The following TENT4A variants were observed in gnomAD, a reference collection of about 807,000 sequenced individuals.
TENT4A encodes DNA polymerase kappa.
Under a neutral mutation model 72.8 loss-of-function variants are expected in TENT4A, and 7 were observed. The ratio of observed to expected loss-of-function variants is 0.10; its 90% confidence interval spans 0.05 to 0.18. The LOEUF (loss-of-function observed/expected upper bound fraction) is 0.18. Ranked by LOEUF, TENT4A falls within the 10% of genes least tolerant of loss-of-function variation. TENT4A has a pLI of 1.00. For missense variants in TENT4A, 831 were observed against 1,017.7 expected (o/e 0.82, Z 2.50); for synonymous variants, 456 against 434.3 (o/e 1.05, Z -0.62).
chr5:6,739,435 TG>T (rs1741687201), intron 3 of TENT4A, among the ~76,000 whole-genome samples: 1 of 152,184 alleles, frequency 6.6e-6, no homozygotes, highest in Non-Finnish European at 1.5e-5. Flanking sequence ...CAGCCTGGTT[TG>T]GGGGCAGGCA....
At chr5:6,745,225 C>T (rs912435488) in intron 6 of TENT4A, among the ~76,000 whole-genome samples, 4 of 152,330 alleles carry the variant, frequency 2.6e-5, no homozygotes, top group African/African-American at 9.6e-5. Context: ...TCGGAATCCT[C>T]CTCTTGTGTG....
chr5:6,731,919 C>T (rs992250425), intron 1 of TENT4A, among the ~76,000 whole-genome samples: 76 of 152,206 alleles, frequency 5.0e-4, no homozygotes, highest in African/African-American at 1.6e-3. Flanking sequence ...GTTTGGTGTG[C>T]TTCTTCCAGC....
At chr5:6,717,392 T>G (rs41388045) in intron 1 of TENT4A, among the ~76,000 whole-genome samples, 6,590 of 152,334 alleles carry the variant, frequency 0.043, 189 homozygotes, top group South Asian at 0.097. Context: ...CTGTGGAGCA[T>G]TGGCTGAACC....
rs1740242400 is a variant in TENT4A at position 6,714,240 on chromosome 5, C to T, written c.257C>T (p.Pro86Leu). The T allele has an allele frequency of 9.8e-7, 1 of 1,015,302 alleles. No individual in the cohort carries two copies. The highest frequency in any genetic ancestry group is 1.2e-6 in the Non-Finnish European group (1 of 851,788). 62.9% of individuals were successfully genotyped at this position (1,015,302 alleles called of 1,614,324 possible). ...PGPTAPAALP[P>L]ALLTALGPAA... ...CCCACCGCGCCCGCCGCGCTGCCCC[C>T]CGCGCTGCTGACGGCGCTGGGGCCC... Residue 86 changes from proline to leucine, a missense_variant, in exon 1 of 13, where the codon CCC (proline) becomes CTC (leucine). Pro to Leu is a moderately conservative substitution (Grantham distance 98). This residue lies in a region of TENT4A where 302 missense variants were observed against 293.8 expected (regional missense o/e 1.03). Transcript: ENST00000230859.
chr5:6,720,315 G>A (rs1282472687), intron 1 of TENT4A, among the ~76,000 whole-genome samples: 5 of 152,104 alleles, frequency 3.3e-5, no homozygotes, highest in Non-Finnish European at 7.4e-5. Flanking sequence ...AGGGGAGGAG[G>A]TTCTTCTGTG....
At chr5:6,723,544 G>C (rs964258975) in intron 1 of TENT4A, among the ~76,000 whole-genome samples, 2 of 152,210 alleles carry the variant, frequency 1.3e-5, no homozygotes, top group Non-Finnish European at 2.9e-5. Flanking sequence ...GGCAAGAGGT[G>C]CTGCAGTTGG....
chr5:6,749,114 C>T (rs1232767468), intron 8 of TENT4A, among the ~76,000 whole-genome samples: 2 of 152,108 alleles, frequency 1.3e-5, no homozygotes, highest in African/African-American at 2.4e-5. Context: ...AAACAGGTTT[C>T]GAGGCCTGGC....
At chr5:6,740,852 G>A (rs889937512) in intron 4 of TENT4A, among the ~76,000 whole-genome samples, 7 of 152,192 alleles carry the variant, frequency 4.6e-5, no homozygotes, top group Non-Finnish European at 7.3e-5. Context: ...AAATGCTTAC[G>A]GGCCTTATTG....
chr5:6,729,025 C>T (rs1024139264), intron 1 of TENT4A, among the ~76,000 whole-genome samples: 2 of 152,162 alleles, frequency 1.3e-5, no homozygotes, highest in African/African-American at 2.4e-5. Flanking sequence ...TTTTAAACAA[C>T]TTTAAAATAT....
At chr5:6,726,929 C>T (rs925353997) in intron 1 of TENT4A, among the ~76,000 whole-genome samples, 2 of 152,148 alleles carry the variant, frequency 1.3e-5, no homozygotes, top group African/African-American at 4.8e-5. Flanking sequence ...CCGGTCCCAT[C>T]TTCCTGTGGG....
At position 6,746,199 on chromosome 5, in the gene TENT4A, G is replaced by T; in HGVS notation, c.1246-15G>T. 6.2e-7 allele frequency: 1 copy of T among 1,614,138 alleles called. No homozygotes were observed. Among genetic ancestry groups the T allele is most frequent in the South Asian group, 1.1e-5 (1 of 91,050 alleles). On this transcript the variant is annotated splice_polypyrimidine_tract_variant and intron_variant, in intron 6 of 12. Transcript: ENST00000230859. ...CCATGAATCCATACAAATTGTGGGT[G>T]CATTGCTTTTACAGTTGCATCCAAG...
intron 7 of TENT4A, among the ~76,000 whole-genome samples, chr5:6,746,983 C>T (rs1487048765): frequency 6.6e-6 from 1 of 152,180 alleles, no homozygotes; most frequent in Non-Finnish European, 1.5e-5. Flanking sequence ...CGGTTTTATT[C>T]CCATTGGCGT....
At chr5:6,734,689 TG>T (rs1299518088) in intron 1 of TENT4A, among the ~76,000 whole-genome samples, 6 of 152,214 alleles carry the variant, frequency 3.9e-5, no homozygotes, top group Admixed American at 3.9e-4. Flanking sequence ...CAGACAGGTG[TG>T]GTTATTAGTG....
intron 1 of TENT4A, among the ~76,000 whole-genome samples, chr5:6,727,554 C>G (rs1740995707): frequency 6.6e-6 from 1 of 152,176 alleles, no homozygotes; most frequent in Non-Finnish European, 1.5e-5. Context: ...TAGTCCATCC[C>G]ACCTGGGGGC....
At position 6,752,934 on chromosome 5, in the gene TENT4A, G is replaced by T; in HGVS notation, c.2081G>T (p.Gly694Val). ...GCTCCTGTTCCTTGCAGACAAGCTG[G>T]TGTAGAAGGAACTGCGTCTTTGAAA... ...GVAPVPCRQA[G>V]VEGTASLKAV... Residue 694 changes from glycine (G) to valine (V), a missense_variant, in exon 12 of 13, where the codon GGT (glycine) becomes GTT (valine). Around this residue, in one of 3 missense-constraint regions of TENT4A, gnomAD observed 332 missense variants for 324.3 expected, o/e 1.02. Coordinates refer to ENST00000230859, the MANE Select transcript of TENT4A (RefSeq NM_006999.6). 6.2e-7 allele frequency: 1 copy of T among 1,614,180 alleles called. No individual in the cohort carries two copies.
intron 8 of TENT4A, among the ~76,000 whole-genome samples, chr5:6,749,061 T>A (rs1742255062): frequency 6.6e-6 from 1 of 152,176 alleles, no homozygotes; most frequent in Non-Finnish European, 1.5e-5. Context: ...AGAGTGGAAT[T>A]CGAAACAGTT....
At chr5:6,719,286 G>T (rs936354082) in intron 1 of TENT4A, among the ~76,000 whole-genome samples, 1 of 152,044 alleles carries the variant, frequency 6.6e-6, no homozygotes, top group African/African-American at 2.4e-5. Context: ...GTTATCCTTG[G>T]AAAATAAGAA....
chr5:6,752,592 C>T (rs1393213463), intron 11 of TENT4A, among the ~76,000 whole-genome samples: 1 of 152,242 alleles, frequency 6.6e-6, no homozygotes, highest in East Asian at 1.9e-4. Flanking sequence ...GGTTGTTCTT[C>T]TGATGACTCT....
In TENT4A at chr5:6,750,354, C is replaced by T; in HGVS notation, c.1711C>T (p.Arg571Ter). The change falls in exon 10 of 13, where the codon CGA becomes TGA. Residue 571 changes from arginine to a stop codon, truncating the protein, a stop_gained. Coordinates refer to ENST00000230859, the MANE Select transcript of TENT4A (RefSeq NM_006999.6). LOFTEE classifies it high-confidence loss of function. ...GMDSRIKIKE[R>*]IATCNGEQTQ... ...AGACAGCAGGATCAAGATCAAAGAG[C>T]GAATAGCCACATGCAATGGGGAGCA... 1 of 1,611,750 alleles carries T rather than the reference C, an allele frequency of 6.2e-7. No homozygotes were observed.
Sources: gnomAD v4.1 joint callset for allele counts (sites outside exome capture counted in the v4.1 genomes callset) on GRCh38, gnomAD v4.1.1 for gene constraint, gnomAD v4.1.1 regional missense constraint, MANE v1.5 for transcripts, NCBI Gene and HGNC (gene_info 2026-07-23, HGNC 2026-07-21) for gene names.